Variants in SLC16A7 observed in about 807,000 individuals in gnomAD.
SLC16A7 encodes the protein monocarboxylate transporter 2.
SLC16A7 carries 33 observed loss-of-function variants against 34.9 expected under a neutral mutation model. The ratio of observed to expected loss-of-function variants is 0.94; its 90% CI spans 0.72 to 1.26. SLC16A7 has a LOEUF of 1.26. SLC16A7 is among the 50% of genes most tolerant of loss of function. SLC16A7 has a pLI of 0.00. For synonymous variants in SLC16A7, 201 were observed against 206.6 expected (o/e 0.97, Z 0.23); for missense variants, 573 against 578.1 (o/e 0.99, Z 0.09).
intron 1 of SLC16A7, among the ~76,000 whole-genome samples, chr12:59,635,912 C>G (rs1219746696): frequency 2.0e-5 from 3 of 150,710 alleles, no homozygotes; most frequent in Non-Finnish European, 4.4e-5. Context: ...AAAGATTCAT[C>G]TTAAGTGCAT....
rs1259081832 is a variant in SLC16A7 at position 59,596,048 on chromosome 12, G to C, written c.-318G>C. ...GCGCGCGCTCCTCCGCACCCACAAG[G>C]GCGTTCAGCAGCCGCGCCTCCCCTT... On this transcript the variant is annotated 5_prime_UTR_variant, in exon 1 of 6. Coordinates refer to ENST00000547379, the MANE Select transcript of SLC16A7 (RefSeq NM_001270623.2). This position sits in a 1 kb window ranked among gnomAD's most constrained non-coding sequence, Gnocchi z 5.0. 1 of 142,920 alleles carries C rather than the reference G, an allele frequency of 7.0e-6. No homozygotes were observed. The highest frequency in any genetic ancestry group is 1.5e-5 in the Non-Finnish European group (1 of 66,774). The allele number at this position is 142,920 out of a possible 1,614,324, so 8.9% of individuals were successfully genotyped here.
intron 2 of SLC16A7, among the ~76,000 whole-genome samples, chr12:59,698,390 G>T (rs1316137851): frequency 6.6e-6 from 1 of 151,452 alleles, no homozygotes; most frequent in Non-Finnish European, 1.5e-5. Flanking sequence ...ATATATACAG[G>T]TAAATATTTA....
intron 3 of SLC16A7, among the ~76,000 whole-genome samples, chr12:59,750,756 C>T (rs570192551): frequency 1.3e-5 from 2 of 152,272 alleles, no homozygotes; most frequent in South Asian, 4.1e-4. Context: ...AAGACACATG[C>T]ACTTGTATGT....
chr12:59,606,339 G>A (rs1419284885), intron 1 of SLC16A7, among the ~76,000 whole-genome samples: 1 of 151,950 alleles, frequency 6.6e-6, no homozygotes, highest in Non-Finnish European at 1.5e-5. Context: ...ATTTTAAGAG[G>A]GAAATTCCCT....
At chr12:59,716,567 G>A (rs1327536800) in intron 3 of SLC16A7, among the ~76,000 whole-genome samples, 1 of 152,194 alleles carries the variant, frequency 6.6e-6, no homozygotes, top group Admixed American at 6.6e-5. Flanking sequence ...ACAAGAATCA[G>A]CTGGGTGCAG....
chr12:59,739,005 G>A (rs548713509), intron 3 of SLC16A7, among the ~76,000 whole-genome samples: 2 of 141,972 alleles, frequency 1.4e-5, no homozygotes, highest in South Asian at 4.8e-4. Flanking sequence ...GGAGCTGGGT[G>A]TAAATTTTTT....
intron 2 of SLC16A7, among the ~76,000 whole-genome samples, chr12:59,667,913 G>T (rs572912258): frequency 6.6e-6 from 1 of 152,176 alleles, no homozygotes; most frequent in Non-Finnish European, 1.5e-5. Context: ...TGGCTAAAAC[G>T]GGCCAAGGTA....
chr12:59,649,333 C>A (rs547260353), intron 1 of SLC16A7, among the ~76,000 whole-genome samples: 1 of 151,926 alleles, frequency 6.6e-6, no homozygotes, highest in Non-Finnish European at 1.5e-5. Flanking sequence ...CGAGGGATTG[C>A]GAAAGAGGAT....
chr12:59,659,618 T>C (rs1042415135), intron 2 of SLC16A7, among the ~76,000 whole-genome samples: 4 of 152,104 alleles, frequency 2.6e-5, no homozygotes, highest in African/African-American at 9.7e-5. Context: ...GATTCATCTA[T>C]TTAATTCTTA....
rs1250187270 is a variant in SLC16A7, at chr12:59,705,025, T to C, written c.217+7T>C. The C allele has an allele frequency of 6.4e-7, 1 of 1,566,970 alleles. No homozygotes were observed. Among genetic ancestry groups the C allele is most frequent in the East Asian group, 2.2e-5 (1 of 44,688 alleles). ...GCTGTTATGTACGCAGGAGGTAAGCTTCTTGCAATAAATAGAATCCTGAAT... is the reference window on the plus strand; with the variant it reads ...GCTGTTATGTACGCAGGAGGTAAGCCTCTTGCAATAAATAGAATCCTGAAT... On this transcript the variant is annotated splice_region_variant and intron_variant, in intron 3 of 5. Coordinates refer to ENST00000547379, the MANE Select transcript of SLC16A7 (RefSeq NM_001270623.2).
intron 3 of SLC16A7, among the ~76,000 whole-genome samples, chr12:59,760,903 C>T (rs1880943941): frequency 6.6e-6 from 1 of 152,078 alleles, no homozygotes; most frequent in Non-Finnish European, 1.5e-5. Context: ...AGGGGGACTA[C>T]TGAAATAAAA....
intron 3 of SLC16A7, among the ~76,000 whole-genome samples, chr12:59,720,884 C>A (rs1417041233): frequency 6.6e-6 from 1 of 152,074 alleles, no homozygotes; most frequent in African/African-American, 2.4e-5. Flanking sequence ...TCCTTACCAT[C>A]TAAACTTCAG....
chr12:59,627,792 T>C (rs1399401549), intron 1 of SLC16A7, among the ~76,000 whole-genome samples: 1 of 151,566 alleles, frequency 6.6e-6, no homozygotes, highest in East Asian at 1.9e-4. Context: ...TCAGGCCTTC[T>C]AAGCTGATGA....
At chr12:59,617,426 A>G (rs1234295040) in intron 1 of SLC16A7, among the ~76,000 whole-genome samples, 1 of 152,022 alleles carries the variant, frequency 6.6e-6, no homozygotes, top group Admixed American at 6.6e-5. Context: ...TTGGTATTTT[A>G]TGGAAGACTA....
At chr12:59,703,803 A>G (rs150725360) in intron 2 of SLC16A7, among the ~76,000 whole-genome samples, 8 of 152,298 alleles carry the variant, frequency 5.3e-5, no homozygotes, top group Admixed American at 1.3e-4. Context: ...TGGTAACTCT[A>G]TGAGGCAAGG....
intron 2 of SLC16A7, among the ~76,000 whole-genome samples, chr12:59,696,914 T>C (rs975069910): frequency 1.3e-5 from 2 of 151,824 alleles, no homozygotes; most frequent in Non-Finnish European, 2.9e-5. Context: ...CAAGGAAATA[T>C]GCTGAAAACA....
At chr12:59,761,598 T>C (rs112248726) in intron 3 of SLC16A7, among the ~76,000 whole-genome samples, 55 of 152,262 alleles carry the variant, frequency 3.6e-4, no homozygotes, top group African/African-American at 1.3e-3. Context: ...GTTTTATTTG[T>C]AGCATAGATT....
chr12:59,782,013 G>A lies in SLC16A7; in HGVS notation c.*2334G>A, dbSNP rs1049648155. The A allele has an allele frequency of 4.6e-5, 7 of 152,114 alleles. No homozygotes were observed. The highest frequency in any genetic ancestry group is 6.6e-5 in the Admixed American group (1 of 15,256). 9.4% of individuals were successfully genotyped at this position (152,114 alleles called of 1,614,324 possible). A position where few individuals can be genotyped will look rare whatever the true frequency, so the allele number is the denominator to read the frequency against. On this transcript the variant is annotated 3_prime_UTR_variant, in exon 6 of 6. Transcript: ENST00000547379. ...TACTTACTGATGAGTTTCTCGTCAC[G>A]TCAAAACCAGTTCACATTTGTCTGG...
Position 59,602,677 on chromosome 12 carries a change from G to C in SLC16A7, c.-130+6441G>C, listed in dbSNP as rs181815242. Among the ~76,000 whole-genome samples, 556 of 151,644 alleles carry C rather than the reference G, an allele frequency of 3.7e-3. 3 individuals carry two copies. The highest frequency in any genetic ancestry group is 0.013 in the African/African-American group (528 of 41,332). ...TTTTTGTATTTTTAGTAGAAATAGG[G>C]TTTCACCATATTGGCCAGGCTGGTC... is the stretch of plus-strand genomic sequence containing the variant. On this transcript the variant is annotated intron_variant, in intron 1 of 5. Transcript: ENST00000547379.
Sources: allele counts gnomAD v4.1 joint callset (sites outside exome capture counted in the v4.1 genomes callset), GRCh38; gene constraint gnomAD v4.1.1; non-coding constraint Gnocchi (gnomAD v3.1); transcripts MANE v1.5; gene names NCBI Gene and HGNC (gene_info 2026-07-23, HGNC 2026-07-21).